PTPRN2: variants seen among roughly 807,000 people sequenced by gnomAD.
The protein encoded by PTPRN2 is receptor-type tyrosine-protein phosphatase N2.
PTPRN2 carries 74 observed loss-of-function variants against 118.8 expected under a neutral mutation model. That is an observed-to-expected ratio of 0.62 (90% CI 0.52 to 0.76). PTPRN2 has a LOEUF of 0.76. Ranked by LOEUF, PTPRN2 falls within the 30% of genes least tolerant of loss-of-function variation. The probability of loss-of-function intolerance (pLI) is 0.00; values close to 1 mark genes in which losing one functional copy is unlikely to be tolerated. For missense variants in PTPRN2, 1,481 were observed against 1,394.4 expected (o/e 1.06, Z -0.99); for synonymous variants, 641 against 608.0 (o/e 1.05, Z -0.80).
chr7:158,136,804 G>A (rs1403683053), intron 7 of PTPRN2, 109 bp from the exon 8 acceptor site: 2 of 1,009,128 alleles, frequency 2.0e-6, no homozygotes, highest in Non-Finnish European at 3.1e-6. Context: ...AAGGTGAGGT[G>A]TGATGACGCT....
chr7:158,480,981 C>T (rs576083866), intron 2 of PTPRN2, among the ~76,000 whole-genome samples: 7 of 152,326 alleles, frequency 4.6e-5, no homozygotes, highest in East Asian at 3.9e-4. Context: ...AGATCAGTGA[C>T]GAAGGTGGCT....
At chr7:158,071,297 C>CGTG (rs1554528222) in intron 11 of PTPRN2, among the ~76,000 whole-genome samples, 8 of 60,618 alleles carry the variant, frequency 1.3e-4, no homozygotes, top group African/African-American at 2.6e-4. Context: ...TGGAGGTGCT[C>CGTG]GTGGTGGAGG....
chr7:158,470,023 G>A lies in PTPRN2; in HGVS notation c.163+19712C>T, dbSNP rs1452399950. On this transcript the variant is annotated intron_variant, in intron 2 of 22. Coordinates refer to ENST00000389418, the MANE Select transcript of PTPRN2 (RefSeq NM_002847.5). ...TGCCTCATAAAAGAATTGGGAGCTGGGATTTGTCCTAGTGCCTCATAAAAG... is the reference window on the plus strand; with the variant it reads ...TGCCTCATAAAAGAATTGGGAGCTGAGATTTGTCCTAGTGCCTCATAAAAG... Among the ~76,000 whole-genome samples the A allele has an allele frequency of 2.0e-5, 3 of 152,072 alleles. No homozygotes were observed. The East Asian group carries it at 5.8e-4, about 29-fold the overall frequency.
At chr7:158,332,473 T>C (rs34908457) in intron 2 of PTPRN2, among the ~76,000 whole-genome samples, 24,294 of 88,344 alleles carry the variant, frequency 0.27, 4,328 homozygotes, top group Middle Eastern at 0.36. Context: ...AGAGGTGACA[T>C]CTACAGACGG....
chr7:157,827,699 G>T (rs1311212779), intron 12 of PTPRN2, among the ~76,000 whole-genome samples: 5 of 152,112 alleles, frequency 3.3e-5, no homozygotes, highest in African/African-American at 1.2e-4. Flanking sequence ...CTGAGGACCA[G>T]GTGCTGGGGT....
At chr7:158,146,071 TC>T (rs11330838) in intron 6 of PTPRN2, among the ~76,000 whole-genome samples, 80,205 of 151,798 alleles carry the variant, frequency 0.53, 21,582 homozygotes, top group Middle Eastern at 0.63. Flanking sequence ...TTTCCCCCTT[TC>T]CCATCCATTC....
intron 2 of PTPRN2, among the ~76,000 whole-genome samples, chr7:158,403,637 G>A (rs1813113161): frequency 1.3e-5 from 2 of 152,198 alleles, no homozygotes; most frequent in Non-Finnish European, 2.9e-5. Context: ...CTGGAAGTGG[G>A]CTAAGGTGGG....
chr7:157,963,626 A>C (rs535891960), intron 11 of PTPRN2, among the ~76,000 whole-genome samples: 15 of 152,348 alleles, frequency 9.8e-5, no homozygotes, highest in African/African-American at 3.6e-4. Flanking sequence ...CTTGAGTGGA[A>C]ACAGGCCACA....
chr7:157,867,026 G>A (rs1225047866), intron 12 of PTPRN2, among the ~76,000 whole-genome samples: 1 of 116,896 alleles, frequency 8.6e-6, no homozygotes, highest in Non-Finnish European at 1.8e-5. Context: ...CTGGATACAC[G>A]GCCACCTGGA....
At chr7:157,946,418 C>A (rs1303377686) in intron 11 of PTPRN2, among the ~76,000 whole-genome samples, 1 of 152,194 alleles carries the variant, frequency 6.6e-6, no homozygotes, top group Non-Finnish European at 1.5e-5. Flanking sequence ...TTGTTCACAC[C>A]ATTTCATGGA....
intron 2 of PTPRN2, among the ~76,000 whole-genome samples, chr7:158,352,437 C>T (rs374919974): frequency 9.2e-5 from 14 of 152,216 alleles, no homozygotes; most frequent in African/African-American, 2.7e-4. Flanking sequence ...GGATCAGCTT[C>T]GATAGGCATT....
chr7:158,326,678 GCA>G (rs1392072942), intron 2 of PTPRN2, among the ~76,000 whole-genome samples: 12 of 124,878 alleles, frequency 9.6e-5, no homozygotes, highest in Admixed American at 5.5e-4. Context: ...GCACACACAT[GCA>G]CAGTCTCACA....
At chr7:158,391,709 GC>G (rs1234036134) in intron 2 of PTPRN2, among the ~76,000 whole-genome samples, 1 of 152,160 alleles carries the variant, frequency 6.6e-6, no homozygotes, top group African/African-American at 2.4e-5. Flanking sequence ...CTGACCAGCT[GC>G]CCAGGCTGGA....
intron 3 of PTPRN2, among the ~76,000 whole-genome samples, chr7:158,306,092 C>CA (rs1170048886): frequency 1.3e-5 from 2 of 152,194 alleles, no homozygotes; most frequent in African/African-American, 4.8e-5. Flanking sequence ...TCATCCAACT[C>CA]AAAGCTCACA....
chr7:158,325,083 C>A (rs1464977666), intron 2 of PTPRN2, among the ~76,000 whole-genome samples: 3 of 152,096 alleles, frequency 2.0e-5, no homozygotes, highest in East Asian at 1.9e-4. Context: ...ACAGGGGGTC[C>A]CCCAGGCCCC....
chr7:158,028,757 T>C (rs940718379), intron 11 of PTPRN2: 5 of 152,324 alleles, frequency 3.3e-5, no homozygotes, highest in Admixed American at 6.5e-5. Flanking sequence ...AGAGCTACTA[T>C]GTCCCGCGCA....
chr7:157,582,326 T>C (rs1800433654), intron 17 of PTPRN2, among the ~76,000 whole-genome samples: 1 of 152,068 alleles, frequency 6.6e-6, no homozygotes, highest in Non-Finnish European at 1.5e-5. Context: ...ATGACCCAAC[T>C]AAAAATGGGC....
At chr7:158,013,218 C>T (rs970391373) in intron 11 of PTPRN2, among the ~76,000 whole-genome samples, 1 of 152,214 alleles carries the variant, frequency 6.6e-6, no homozygotes, top group Admixed American at 6.5e-5. Context: ...TCCTTGAATT[C>T]CACTTCAGAA....
intron 2 of PTPRN2, among the ~76,000 whole-genome samples, chr7:158,483,113 C>T (rs1179074441): frequency 2.6e-5 from 4 of 152,196 alleles, no homozygotes; most frequent in Admixed American, 6.5e-5. Context: ...GCACAACTGT[C>T]CATAAAAACA....
Sources: gnomAD v4.1 joint callset for allele counts (sites outside exome capture counted in the v4.1 genomes callset) on GRCh38, gnomAD v4.1.1 for gene constraint, MANE v1.5 for transcripts, NCBI Gene and HGNC (gene_info 2026-07-23, HGNC 2026-07-21) for gene names.